The following KDM5C variants were observed in gnomAD, a reference collection of about 807,000 sequenced individuals.
KDM5C encodes the protein lysine-specific demethylase 5C.
In KDM5C, 16 loss-of-function variants were observed where a neutral mutation model predicts 110.6. That is an observed-to-expected ratio of 0.14 (90% CI 0.10 to 0.22). The LOEUF is 0.22. KDM5C is among the 10% of genes least tolerant of loss of function. KDM5C has a pLI of 1.00. For synonymous variants in KDM5C, 511 were observed against 520.4 expected (o/e 0.98, Z 0.24); for missense variants, 681 against 1,300.9 (o/e 0.52, Z 7.33).
downstream of KDM5C, among the ~76,000 whole-genome samples, chrX:53,190,079 G>A (rs191487652): frequency 8.9e-6 from 1 of 112,367 alleles, no homozygotes; most frequent in East Asian, 2.8e-4. Context: ...GAGGTGAGAA[G>A]ATACCCACTG....
chrX:53,217,616 C>T lies in KDM5C; in HGVS notation c.522+180G>A, dbSNP rs782469947. Among the ~76,000 whole-genome samples the T allele has an allele frequency of 6.3e-5, 7 of 111,951 alleles. 1 individual carries two copies. The highest frequency in any genetic ancestry group is 5.7e-4 in the Admixed American group (6 of 10,514). On this transcript the variant is annotated intron_variant, in intron 4 of 25. Coordinates refer to ENST00000375401, the MANE Select transcript of KDM5C (RefSeq NM_004187.5). ...TTTGTCACATAACAAATAAGCTAGCCGTACAGATAACTCCAGGACCTCTGA... is the reference window on the plus strand; with the variant it reads ...TTTGTCACATAACAAATAAGCTAGCTGTACAGATAACTCCAGGACCTCTGA...
chrX:53,216,193 T>G lies in KDM5C; in HGVS notation c.662A>C (p.Glu221Ala). ...CTTCTCAATGTCTTCCTCTGTGGGT[T>G]CCGGCTGGAAGGAAAGAAGGAAATG... ...RRAKRLQPDP[E>A]PTEEDIEKNP... is the part of the protein sequence containing the mutation. The change falls in exon 6 of 26, where the codon GAA becomes GCA. Residue 221 changes from glutamate (E) to alanine (A), a missense_variant. Physicochemically the swap from Glu to Ala is moderately radical, Grantham distance 107 (BLOSUM62 -1). This residue lies in a region of KDM5C where 55 missense variants were observed against 118.0 expected (regional missense o/e 0.47). Transcript: ENST00000375401. 5.8e-6 allele frequency: 7 copies of G among 1,211,817 alleles called. No homozygotes were observed. Among genetic ancestry groups the G allele is most frequent in the Non-Finnish European group, 6.7e-6 (6 of 895,582 alleles).
intron 18 of KDM5C, 56 bp from the exon 19 acceptor site, chrX:53,197,100 C>T (rs1934919883): frequency 2.1e-6 from 2 of 936,391 alleles, no homozygotes; most frequent in Non-Finnish European, 3.0e-6. Flanking sequence ...TGAGGGGTTC[C>T]ACCACCAGAT....
rs782723104 is a variant in KDM5C at position 53,195,073 on chromosome X, G to C, written c.3301-5C>G. 8.3e-7 allele frequency: 1 copy of C among 1,207,882 alleles called. No homozygotes were observed. Among genetic ancestry groups the C allele is most frequent in the Non-Finnish European group, 1.1e-6 (1 of 893,644 alleles). ...ATCTGCACATGGGCAGAGAACCTGGGGCAGGCAGACAAGAGAGGGAATGAC... is the reference window on the plus strand; with the variant it reads ...ATCTGCACATGGGCAGAGAACCTGGCGCAGGCAGACAAGAGAGGGAATGAC... On this transcript the variant is annotated splice_polypyrimidine_tract_variant and splice_region_variant and intron_variant, in intron 21 of 25. Coordinates refer to ENST00000375401, the MANE Select transcript of KDM5C (RefSeq NM_004187.5).
At chrX:53,180,942 A>G (rs1934026700) in intron 25 of KDM5C, among the ~76,000 whole-genome samples, 1 of 105,426 alleles carries the variant, frequency 9.5e-6, no homozygotes, top group Admixed American at 1.0e-4. Flanking sequence ...GTTAGCCAGG[A>G]TGGTCTCGAT....
Position 53,193,677 on chromosome X carries a change from T to C in KDM5C, c.4118-41A>G, listed in dbSNP as rs781862878. ...AACAAGCGGCATTAGAGGCTGCCCT[T>C]GGTCTTATCCCCACCACTACAACAG... On this transcript the variant is annotated intron_variant, in intron 24 of 25. Coordinates refer to ENST00000375401, the MANE Select transcript of KDM5C (RefSeq NM_004187.5). 3.4e-6 allele frequency: 4 copies of C among 1,192,110 alleles called. No individual in the cohort carries two copies. In the South Asian group the frequency reaches 7.1e-5, roughly 21 times the overall value.
At chrX:53,214,566 TA>T in intron 8 of KDM5C, 122 bp downstream of exon 8, 1 of 782,841 alleles carries the variant, frequency 1.3e-6, no homozygotes, top group Non-Finnish European at 1.9e-6. Flanking sequence ...CTGCCCAGCC[TA>T]ATCCCACCAC....
intron 25 of KDM5C, among the ~76,000 whole-genome samples, chrX:53,179,644 C>T (rs139469001): frequency 0.022 from 2,461 of 111,198 alleles, 30 homozygotes; most frequent in Non-Finnish European, 0.035. Flanking sequence ...AGACACCTCA[C>T]CAAAAAAGAT....
chrX:53,197,931 G>T, intron 17 of KDM5C, 55 bp from the exon 18 acceptor site: 1 of 897,976 alleles, frequency 1.1e-6, no homozygotes, highest in Non-Finnish European at 1.6e-6. Context: ...TTCCCTCCAT[G>T]TCTATGCTAA....
In KDM5C at chrX:53,224,973, G is replaced by A; in HGVS notation, c.-84C>T. On this transcript the variant is annotated 5_prime_UTR_variant, in exon 1 of 26. Coordinates refer to ENST00000375401, the MANE Select transcript of KDM5C (RefSeq NM_004187.5). ...GGCGCCGCCGCTGTTTGAAGCCGAG[G>A]CAATGCTCGGAGGCTAGGCCCTAAG... is the stretch of plus-strand genomic sequence containing the variant. The A allele has an allele frequency of 4.7e-6, 5 of 1,071,518 alleles. No individual in the cohort carries two copies. The highest frequency in any genetic ancestry group is 6.2e-6 in the Non-Finnish European group (5 of 810,240). The allele number at this position is 1,071,518 out of a possible 1,213,427, so 88.3% of individuals were successfully genotyped here.
In KDM5C at chrX:53,215,016, C is replaced by T. The variant is rs781971546; in HGVS notation, c.964-169G>A. ...AGCTGCAAGAGCAGTCTTTTATCAT[C>T]CAGTCTTGAATCCTCCCATTTTTAT... On this transcript the variant is annotated intron_variant, in intron 7 of 25. Transcript: ENST00000375401. 2.0e-3 allele frequency: 1,059 copies of T among 528,243 alleles called. 2 individuals carry two copies. The highest frequency in any genetic ancestry group is 2.7e-3 in the Non-Finnish European group (812 of 303,041). The allele number at this position is 528,243 out of a possible 1,213,427, so 43.5% of individuals were successfully genotyped here. A position where few individuals can be genotyped will look rare whatever the true frequency, so the allele number is the denominator to read the frequency against.
chrX:53,192,866 C>CG lies in KDM5C; in HGVS notation c.*100_*101insC, dbSNP rs782360019. On this transcript the variant is annotated 3_prime_UTR_variant, in exon 26 of 26. Coordinates refer to ENST00000375401, the MANE Select transcript of KDM5C (RefSeq NM_004187.5). ...GGCGGGTAGCAGGGATGGCCACCCC[C>CG]CTACCCGCCCACCCCCCAAGAAGCA... is the stretch of plus-strand genomic sequence containing the variant. 2.0e-5 allele frequency: 16 copies of CG among 804,458 alleles called. No homozygotes were observed. Among genetic ancestry groups the CG allele is most frequent in the Middle Eastern group, 8.1e-4 (2 of 2,455 alleles). The allele number at this position is 804,458 out of a possible 1,213,427, so 66.3% of individuals were successfully genotyped here.
rs1220670348 is a variant in KDM5C, at chrX:53,210,824, T to A, written c.1435A>T (p.Met479Leu). ...YATSGWNLNVMPVLEQSVLCH... is the reference protein window; with the variant it reads ...YATSGWNLNVLPVLEQSVLCH... The stretch of plus-strand genomic sequence containing the variant: ...AGTACAGACTGTTCCAACACCGGCA[T>A]CACATTTAGGTTCCAACCACTGGTA... Residue 479 changes from methionine to leucine, a missense_variant, in exon 11 of 26, where the codon ATG (methionine) becomes TTG (leucine). Coordinates refer to ENST00000375401, the MANE Select transcript of KDM5C (RefSeq NM_004187.5). 28 of 1,210,071 alleles carry A rather than the reference T, an allele frequency of 2.3e-5. No homozygotes were observed. Among genetic ancestry groups the A allele is most frequent in the Non-Finnish European group, 3.0e-5 (27 of 895,137 alleles).
rs1556848253 is a variant in KDM5C at position 53,210,579 on chromosome X, G to A, written c.1584-3C>T. On this transcript the variant is annotated splice_polypyrimidine_tract_variant and splice_region_variant and intron_variant, in intron 11 of 25. Transcript: ENST00000375401. ...CATACCAGGTCTTCGGCTCACCCCT[G>A]CACAAGTGGAAAAGGGACACACACA... 5.0e-6 allele frequency: 6 copies of A among 1,211,865 alleles called. No individual in the cohort carries two copies. The highest frequency in any genetic ancestry group is 5.6e-6 in the Non-Finnish European group (5 of 895,470).
intron 8 of KDM5C, among the ~76,000 whole-genome samples, chrX:53,214,100 G>A (rs1366026916): frequency 1.8e-5 from 2 of 109,734 alleles, no homozygotes; most frequent in African/African-American, 3.3e-5. Context: ...GACAACAGGC[G>A]TGCGCCACCA....
At chrX:53,187,222 C>G (rs937160980), downstream of KDM5C, among the ~76,000 whole-genome samples, 9 of 110,633 alleles carry the variant, frequency 8.1e-5, no homozygotes, top group Admixed American at 2.9e-4. Context: ...CCCAAGCCCC[C>G]CTGTGGAACT....
chrX:53,197,934 T>C (rs1203967844), intron 17 of KDM5C, 58 bp from the exon 18 acceptor site: 1 of 890,647 alleles, frequency 1.1e-6, no homozygotes. Flanking sequence ...CCTCCATGTC[T>C]ATGCTAAGAC....
intron 25 of KDM5C, among the ~76,000 whole-genome samples, chrX:53,182,170 C>T (rs782092237): frequency 3.7e-5 from 4 of 109,159 alleles, no homozygotes; most frequent in South Asian, 3.9e-4. Context: ...CCACAACCTC[C>T]GCCTCCCGAT....
At chrX:53,188,002 A>T (rs1353369981), downstream of KDM5C, among the ~76,000 whole-genome samples, 1 of 110,797 alleles carries the variant, frequency 9.0e-6, no homozygotes, top group Non-Finnish European at 1.9e-5. Context: ...TCGGCCTCCC[A>T]AAGTGCTGGG....
Sources: allele counts gnomAD v4.1 joint callset (sites outside exome capture counted in the v4.1 genomes callset), GRCh38; gene constraint gnomAD v4.1.1; regional missense constraint gnomAD v4.1.1; transcripts MANE v1.5; gene names NCBI Gene and HGNC (gene_info 2026-07-23, HGNC 2026-07-21).